Variants in UBE2D1 observed in about 807,000 individuals in gnomAD.
The protein encoded by UBE2D1 is ubiquitin-conjugating enzyme E2 D1.
A neutral mutation model predicts 24.6 loss-of-function variants in UBE2D1; 9 were observed. That is an observed-to-expected ratio of 0.37 (90% CI 0.22 to 0.64). The LOEUF is 0.64. Among genes scored for constraint, UBE2D1 ranks in the 30% least tolerant of loss-of-function variants. The pLI is 0.64. For synonymous variants in UBE2D1, 57 were observed against 57.6 expected (o/e 0.99, Z 0.04); for missense variants, 87 against 177.1 (o/e 0.49, Z 2.89).
At chr10:58,353,049 T>A (rs1352622810) in intron 1 of UBE2D1, among the ~76,000 whole-genome samples, 3 of 152,192 alleles carry the variant, frequency 2.0e-5, no homozygotes, top group Non-Finnish European at 4.4e-5. Flanking sequence ...ACCTCTTTGC[T>A]ATAACTTTTA....
At chr10:58,351,532 C>T (rs927947887) in intron 1 of UBE2D1, among the ~76,000 whole-genome samples, 1 of 152,140 alleles carries the variant, frequency 6.6e-6, no homozygotes, top group Admixed American at 6.5e-5. Context: ...ACATTTTGTC[C>T]CACTGGAAGG....
chr10:58,355,780 A>G (rs1196348885), intron 1 of UBE2D1, among the ~76,000 whole-genome samples: 1 of 152,194 alleles, frequency 6.6e-6, no homozygotes. Flanking sequence ...AACTTATATA[A>G]CCACTGTGCA....
intron 4 of UBE2D1, 39 bp from the exon 5 acceptor site, chr10:58,364,732 A>C: frequency 1.4e-6 from 2 of 1,469,024 alleles, no homozygotes; most frequent in Non-Finnish European, 1.9e-6. Flanking sequence ...GTTGATTCAA[A>C]GGTGATTGTC....
intron 5 of UBE2D1, among the ~76,000 whole-genome samples, chr10:58,365,411 TCATC>T (rs1840245043): frequency 6.6e-6 from 1 of 152,260 alleles, no homozygotes; most frequent in Non-Finnish European, 1.5e-5. Context: ...CTGTTTTACT[TCATC>T]CAAGAATAAA....
chr10:58,342,814 T>G (rs1171873871), intron 1 of UBE2D1, among the ~76,000 whole-genome samples: 9 of 150,294 alleles, frequency 6.0e-5, no homozygotes, highest in Non-Finnish European at 1.5e-5. Flanking sequence ...TGGGTACTTG[T>G]TTTTTTTGGT....
At position 58,363,622 on chromosome 10, in the gene UBE2D1, A is replaced by G; in HGVS notation, c.134A>G (p.Tyr45Cys). 5.0e-6 allele frequency: 8 copies of G among 1,611,168 alleles called. No individual in the cohort carries two copies. The highest frequency in any genetic ancestry group is 6.8e-6 in the Non-Finnish European group (8 of 1,178,860). ...TTGTAATTTCAGCCTGATAGCGCAT[A>G]TCAAGGTGGAGTCTTCTTTCTCACT... ...ATIMGPPDSA[Y>C]QGGVFFLTVH... The change falls in exon 4 of 7, where the codon TAT becomes TGT. Residue 45 changes from tyrosine to cysteine, a missense_variant. Tyr to Cys is a radical substitution (Grantham distance 194). Coordinates refer to ENST00000373910, the MANE Select transcript of UBE2D1 (RefSeq NM_003338.5).
In UBE2D1 at chr10:58,363,705, T is replaced by C. The variant is rs1049501956; in HGVS notation, c.198+19T>C. Reference sequence around the variant, plus strand: ...ACCAAAGGTATTTTTATTTTTATGATTGATGTGACTCCCATGTAAGAGATT... The same window carrying C: ...ACCAAAGGTATTTTTATTTTTATGACTGATGTGACTCCCATGTAAGAGATT... On this transcript the variant is annotated intron_variant, in intron 4 of 6. Coordinates refer to ENST00000373910, the MANE Select transcript of UBE2D1 (RefSeq NM_003338.5). The C allele has an allele frequency of 3.9e-6, 6 of 1,526,602 alleles. No individual in the cohort carries two copies. Among genetic ancestry groups the C allele is most frequent in the Non-Finnish European group, 5.4e-6 (6 of 1,106,596 alleles). The allele number at this position is 1,526,602 out of a possible 1,614,324, so 94.6% of individuals were successfully genotyped here.
At chr10:58,335,927 GT>G (rs1196594399) in intron 1 of UBE2D1, among the ~76,000 whole-genome samples, 3 of 152,238 alleles carry the variant, frequency 2.0e-5, no homozygotes, top group South Asian at 2.1e-4. Context: ...AGCCAAACAG[GT>G]TTTTTTCCCC....
At chr10:58,355,891 T>G (rs1440906912) in intron 1 of UBE2D1, among the ~76,000 whole-genome samples, 1 of 152,118 alleles carries the variant, frequency 6.6e-6, no homozygotes, top group Non-Finnish European at 1.5e-5. Flanking sequence ...TGTTACAAGA[T>G]CCAATCTGGG....
At chr10:58,364,614 G>C (rs1212322528) in intron 4 of UBE2D1, 157 bp from the exon 5 acceptor site, 1 of 599,330 alleles carries the variant, frequency 1.7e-6, no homozygotes, top group Non-Finnish European at 2.9e-6. Context: ...ACTGTGTGTA[G>C]CACAAAGTAG....
Position 58,335,538 on chromosome 10 carries a change from T to C in UBE2D1, c.24+313T>C, listed in dbSNP as rs368635554. Among the ~76,000 whole-genome samples the C allele has an allele frequency of 1.2e-4, 19 of 152,372 alleles. No homozygotes were observed. In the East Asian group the frequency reaches 3.5e-3, roughly 28 times the overall value. On this transcript the variant is annotated intron_variant, in intron 1 of 6. Coordinates refer to ENST00000373910, the MANE Select transcript of UBE2D1 (RefSeq NM_003338.5). ...CCGTCCCGAAATCTGTGCTTCACGG[T>C]CACGGCCGGGTTTTGCCCTCCATGG...
At position 58,368,749 on chromosome 10, in the gene UBE2D1, A is replaced by G; in HGVS notation, c.428A>G (p.Gln143Arg). 1 of 1,589,250 alleles carries G rather than the reference A, an allele frequency of 6.3e-7. No homozygotes were observed. Among genetic ancestry groups the G allele is most frequent in the Non-Finnish European group, 8.6e-7 (1 of 1,167,344 alleles). Residue 143 changes from glutamine to arginine, a missense_variant, in exon 7 of 7, where the codon CAG becomes CGG. Physicochemically the swap from Gln to Arg is conservative, Grantham distance 43. Coordinates refer to ENST00000373910, the MANE Select transcript of UBE2D1 (RefSeq NM_003338.5). ...KYNRHAREWT[Q>R]KYAM ...AACAGACATGCAAGAGAATGGACTC[A>G]GAAATATGCAATGTAAAAATCAAAA...
At chr10:58,360,244 C>T (rs768203424) in intron 1 of UBE2D1, among the ~76,000 whole-genome samples, 1 of 152,202 alleles carries the variant, frequency 6.6e-6, no homozygotes, top group East Asian at 1.9e-4. Flanking sequence ...TTAAATGTCA[C>T]TTCCTCAGAG....
intron 6 of UBE2D1, 120 bp from the exon 7 acceptor site, chr10:58,368,600 G>C (rs2033006548): frequency 1.9e-6 from 1 of 514,236 alleles, no homozygotes; most frequent in Non-Finnish European, 3.1e-6. Context: ...CCCAGTAATT[G>C]ATATATGTGT....
chr10:58,358,785 C>A (rs548935839), intron 1 of UBE2D1, among the ~76,000 whole-genome samples: 9 of 149,728 alleles, frequency 6.0e-5, no homozygotes, highest in Non-Finnish European at 1.3e-4. Flanking sequence ...TTTTTAAATG[C>A]GGTCTTGCTC....
At chr10:58,349,553 CTT>C (rs1340797553) in intron 1 of UBE2D1, among the ~76,000 whole-genome samples, 1 of 152,102 alleles carries the variant, frequency 6.6e-6, no homozygotes, top group Non-Finnish European at 1.5e-5. Flanking sequence ...TATTACTAGT[CTT>C]ATTATTTGAT....
chr10:58,338,038 G>A (rs1839921710), intron 1 of UBE2D1, among the ~76,000 whole-genome samples: 1 of 151,964 alleles, frequency 6.6e-6, no homozygotes, highest in African/African-American at 2.4e-5. Flanking sequence ...GTAGAGATGG[G>A]GTTTCACCGT....
At chr10:58,359,720 A>T (rs1840173919) in intron 1 of UBE2D1, among the ~76,000 whole-genome samples, 1 of 152,200 alleles carries the variant, frequency 6.6e-6, no homozygotes. Context: ...TGTCACCTTA[A>T]CTATTCACTT....
chr10:58,335,077 G>T lies in UBE2D1; in HGVS notation c.-125G>T, dbSNP rs577597412. The T allele has an allele frequency of 3.8e-5, 40 of 1,048,830 alleles. No homozygotes were observed. In the East Asian group the frequency reaches 1.1e-3, roughly 29 times the overall value. The allele number at this position is 1,048,830 out of a possible 1,614,324, so 65.0% of individuals were successfully genotyped here. ...GGCGCCCGGAGCGAGCCAGGGAGCG[G>T]CTAACCGGGGACCCACCGCGCGGAG... is the stretch of plus-strand genomic sequence containing the variant. On this transcript the variant is annotated 5_prime_UTR_variant, in exon 1 of 7. Transcript: ENST00000373910.
Sources: allele counts gnomAD v4.1 joint callset (sites outside exome capture counted in the v4.1 genomes callset), GRCh38; gene constraint gnomAD v4.1.1; transcripts MANE v1.5; gene names NCBI Gene and HGNC (gene_info 2026-07-23, HGNC 2026-07-21).